The following NPC1L1 variants were observed in gnomAD, a reference collection of about 807,000 sequenced individuals.
NPC1L1 encodes the protein NPC1-like intracellular cholesterol transporter 1.
Under a neutral mutation model 117.0 loss-of-function variants are expected in NPC1L1, and 98 were observed. The ratio of observed to expected loss-of-function variants is 0.84; its 90% CI spans 0.71 to 0.99. The LOEUF is 0.99. NPC1L1 is among the 50% of genes least tolerant of loss of function. The pLI, the probability that NPC1L1 is intolerant of heterozygous loss-of-function variation, is 0.00. For missense variants in NPC1L1, 1,540 were observed against 1,710.0 expected, an observed-to-expected ratio of 0.90 and a Z score of 1.75; for synonymous variants, 729 against 727.6, an observed-to-expected ratio of 1.00 and a Z score of -0.03.
chr7:44,530,405 T>C (rs144250917), intron 10 of NPC1L1, among the ~76,000 whole-genome samples: 6 of 152,144 alleles, frequency 3.9e-5, no homozygotes, highest in Non-Finnish European at 5.9e-5. Flanking sequence ...GGGGAGTCAC[T>C]GTTTGTTGGG....
At chr7:44,514,573 C>G (rs569823683) in intron 18 of NPC1L1, among the ~76,000 whole-genome samples, 2 of 152,228 alleles carry the variant, frequency 1.3e-5, no homozygotes, top group South Asian at 2.1e-4. Context: ...GAGGCTGAGA[C>G]AGGAGAATCG....
rs757222790 is a variant in NPC1L1, at chr7:44,539,032, C to T, written c.1365G>A (p.Gln455=). The change falls in exon 2 of 19, where the codon CAG becomes CAA. Residue 455 remains glutamine (Q), a synonymous_variant. Transcript: ENST00000381160. This position sits in a 1 kb window ranked among gnomAD's most constrained non-coding sequence, Gnocchi z 4.4. ...TGCGCTGTGCTTCGGGCGACCATACCTGGAGGTGCCGCAGCCTCTCCTGCA... is the reference window on the plus strand; with the variant it reads ...TGCGCTGTGCTTCGGGCGACCATACTTGGAGGTGCCGCAGCCTCTCCTGCA... The part of the protein sequence containing the change: ...LELQERLRHL[Q]VWSPEAQRNI... 14 of 1,613,990 alleles carry T rather than the reference C, an allele frequency of 8.7e-6. 1 individual carries two copies. In the South Asian group the frequency reaches 1.5e-4, roughly 18 times the overall value.
intron 2 of NPC1L1, among the ~76,000 whole-genome samples, chr7:44,537,957 G>T (rs570263083): frequency 2.0e-5 from 3 of 152,196 alleles, no homozygotes; most frequent in African/African-American, 4.8e-5. Context: ...GGTAGCAGGG[G>T]ACAGAAAGTG....
chr7:44,531,701 A>T (rs1801704315), intron 10 of NPC1L1, 54 bp downstream of exon 10: 1 of 1,486,940 alleles, frequency 6.7e-7, no homozygotes, highest in East Asian at 2.5e-5. Context: ...GCTGGTTGCT[A>T]CTGCCCCTCC....
Position 44,522,135 on chromosome 7 carries a change from C to T in NPC1L1, c.2745G>A (p.Gly915=). ...CTGCACTGGAGCAGATGGCATTCAT[C>T]CCAGCCTCGCTGGAGAAGTTGTAGC... is the stretch of plus-strand genomic sequence containing the variant. ...TLGYNFSSEA[G]MNAICSSAGC... is the part of the protein sequence containing the mutation. The change falls in exon 11 of 19, where the codon GGG becomes GGA. Residue 915 remains glycine, a synonymous_variant. Coordinates refer to ENST00000381160, the MANE Select transcript of NPC1L1 (RefSeq NM_001101648.2). 1 of 1,613,996 alleles carries T rather than the reference C, an allele frequency of 6.2e-7. No individual in the cohort carries two copies. Among genetic ancestry groups the T allele is most frequent in the Non-Finnish European group, 8.5e-7 (1 of 1,179,978 alleles).
intron 7 of NPC1L1, 31 bp downstream of exon 7, chr7:44,533,708 T>C (rs774112786): frequency 6.2e-7 from 1 of 1,611,460 alleles, no homozygotes; most frequent in Non-Finnish European, 8.5e-7. Context: ...GCAAGCCTAA[T>C]GCCGAGTGGG....
Position 44,539,168 on chromosome 7 carries a change from A to G in NPC1L1, c.1229T>C (p.Val410Ala). Residue 410 changes from valine to alanine, a missense_variant, in exon 2 of 19, where the codon GTG becomes GCG. Around this residue, in one of 3 missense-constraint regions of NPC1L1, gnomAD observed 793 missense variants for 820.4 expected, o/e 0.97. Coordinates refer to ENST00000381160, the MANE Select transcript of NPC1L1 (RefSeq NM_001101648.2). This position sits in a 1 kb window ranked among gnomAD's most constrained non-coding sequence, Gnocchi z 4.4. Reference sequence around the variant, plus strand: ...GGACCGGTTAGGAGCCGTCAGGATCACCTGGTTGGTTCGGAAGAAGGGGCC... The same window carrying G: ...GGACCGGTTAGGAGCCGTCAGGATCGCCTGGTTGGTTCGGAAGAAGGGGCC... ...HFGPFFRTNQ[V>A]ILTAPNRSSY... 1 of 1,614,054 alleles carries G rather than the reference A, an allele frequency of 6.2e-7. No homozygotes were observed. The highest frequency in any genetic ancestry group is 8.5e-7 in the Non-Finnish European group (1 of 1,180,024).
At chr7:44,533,327 A>C (rs940968786) in intron 8 of NPC1L1, 104 bp downstream of exon 8, 1 of 1,402,048 alleles carries the variant, frequency 7.1e-7, no homozygotes, top group East Asian at 2.3e-5. Flanking sequence ...CCTGTCCCCC[A>C]CCCCATTCTC....
At position 44,532,079 on chromosome 7, in the gene NPC1L1, C is replaced by A; in HGVS notation, c.2547+1G>T. ...TCTCGTGTGGTTCGAGGCCCACTCA[C>A]CACAACACCTCGAGTGATCCAGTGC... On this transcript the variant is annotated splice_donor_variant, in intron 9 of 18. Coordinates refer to ENST00000381160, the MANE Select transcript of NPC1L1 (RefSeq NM_001101648.2). LOFTEE classifies it high-confidence loss of function. 6.2e-7 allele frequency: 1 copy of A among 1,614,204 alleles called. No individual in the cohort carries two copies. Among genetic ancestry groups the A allele is most frequent in the Non-Finnish European group, 8.5e-7 (1 of 1,180,028 alleles).
intron 10 of NPC1L1, among the ~76,000 whole-genome samples, chr7:44,523,407 G>C (rs952939936): frequency 6.6e-6 from 1 of 152,162 alleles, no homozygotes; most frequent in Non-Finnish European, 1.5e-5. Flanking sequence ...GAAGCTTCCA[G>C]GATAAGGCTT....
chr7:44,513,205 G>C lies in NPC1L1; in HGVS notation c.*242C>G. The C allele has an allele frequency of 1.8e-6, 1 of 554,582 alleles. No homozygotes were observed. The highest frequency in any genetic ancestry group is 3.3e-6 in the Non-Finnish European group (1 of 307,226). 34.4% of individuals were successfully genotyped at this position (554,582 alleles called of 1,614,324 possible). On this transcript the variant is annotated 3_prime_UTR_variant, in exon 19 of 19. Transcript: ENST00000381160. Reference sequence around the variant, plus strand: ...TGCCAACTTCCAGACCCAGGCCCAGGAGGAGGCACTGCCCAAGGCCTAGGT... The same window carrying C: ...TGCCAACTTCCAGACCCAGGCCCAGCAGGAGGCACTGCCCAAGGCCTAGGT...
rs566752917 is a variant in NPC1L1 at position 44,534,626 on chromosome 7, C to T, written c.1987G>A (p.Asp663Asn). ...SYSSWSRVMV[D>N]SKATLGLGGV... Reference sequence around the variant, plus strand: ...CCGAGGCCCAGCGTGGCCTTGGAGTCCACCTGCAATGCAAACAGGCTCAGC... The same window carrying T: ...CCGAGGCCCAGCGTGGCCTTGGAGTTCACCTGCAATGCAAACAGGCTCAGC... The change falls in exon 6 of 19, where the codon GAC becomes AAC. Residue 663 changes from aspartate to asparagine, a missense_variant. Coordinates refer to ENST00000381160, the MANE Select transcript of NPC1L1 (RefSeq NM_001101648.2). This position sits in a 1 kb window ranked among gnomAD's most constrained non-coding sequence, Gnocchi z 5.2. 1.2e-6 allele frequency: 2 copies of T among 1,613,908 alleles called. No homozygotes were observed. Among genetic ancestry groups the T allele is most frequent in the Admixed American group, 1.7e-5 (1 of 60,018 alleles).
Position 44,534,370 on chromosome 7 carries a change from A to G in NPC1L1, c.2166+77T>C. The G allele has an allele frequency of 6.9e-7, 1 of 1,446,988 alleles. No homozygotes were observed. The highest frequency in any genetic ancestry group is 9.7e-7 in the Non-Finnish European group (1 of 1,027,790). The allele number at this position is 1,446,988 out of a possible 1,614,324, so 89.6% of individuals were successfully genotyped here. On this transcript the variant is annotated intron_variant, in intron 6 of 18. Coordinates refer to ENST00000381160, the MANE Select transcript of NPC1L1 (RefSeq NM_001101648.2). The surrounding 1 kb of genome is among the most constrained non-coding windows in gnomAD (Gnocchi z 5.2). ...CAGGGAGACCCAGCAAATTCACGCC[A>G]GAGTCCCATCAGGCCAGGAGGTGAG...
chr7:44,522,476 T>TAGAGGTACACAGAGGTACATGCACA (rs1209836430), intron 10 of NPC1L1, among the ~76,000 whole-genome samples: 22 of 152,164 alleles, frequency 1.4e-4, no homozygotes, highest in Admixed American at 1.4e-3. Context: ...GATACATGCT[T>TAGAGGTACACAGAGGTACATGCACA]AGAGGTACAC....
chr7:44,522,141 C>G lies in NPC1L1; in HGVS notation c.2739G>C (p.Glu913Asp), dbSNP rs1801378895. 6.2e-7 allele frequency: 1 copy of G among 1,613,946 alleles called. No individual in the cohort carries two copies. Among genetic ancestry groups the G allele is most frequent in the African/African-American group, 1.3e-5 (1 of 74,886 alleles). Residue 913 changes from glutamate to aspartate, a missense_variant, in exon 11 of 19, where the codon GAG (glutamate) becomes GAC (aspartate). Glu to Asp is a conservative substitution (Grantham distance 45). Around this residue, in one of 3 missense-constraint regions of NPC1L1, gnomAD observed 742 missense variants for 873.6 expected, o/e 0.85. Transcript: ENST00000381160. ...TGGAGCAGATGGCATTCATCCCAGC[C>G]TCGCTGGAGAAGTTGTAGCCCAAGG... ...VTTLGYNFSS[E>D]AGMNAICSSA...
At chr7:44,521,588 G>A in intron 12 of NPC1L1, 124 bp downstream of exon 12, 2 of 1,477,038 alleles carry the variant, frequency 1.4e-6, no homozygotes, top group South Asian at 1.1e-5. Context: ...CTGCACCCAT[G>A]CCCCCGACAG....
intron 5 of NPC1L1, among the ~76,000 whole-genome samples, chr7:44,535,100 C>G (rs1032423240): frequency 6.6e-6 from 1 of 151,998 alleles, no homozygotes; most frequent in Non-Finnish European, 1.5e-5. Context: ...AATGGCCGGA[C>G]GTGGTAGCTC....
chr7:44,536,149 A>C lies in NPC1L1; in HGVS notation c.1854+107T>G. ...ATCACCCCGTTCTGAGCAGGCAGCC[A>C]CTGCCCAGGGTCACTTAGGAAGGGC... On this transcript the variant is annotated intron_variant, in intron 4 of 18. Coordinates refer to ENST00000381160, the MANE Select transcript of NPC1L1 (RefSeq NM_001101648.2). The surrounding 1 kb of genome is among the most constrained non-coding windows in gnomAD (Gnocchi z 4.7). The C allele has an allele frequency of 1.3e-6, 2 of 1,563,244 alleles. No homozygotes were observed. The highest frequency in any genetic ancestry group is 2.2e-5 in the East Asian group (1 of 44,636).
Position 44,532,113 on chromosome 7 carries a change from G to A in NPC1L1, c.2514C>T (p.Pro838=). 2 of 1,614,196 alleles carry A rather than the reference G, an allele frequency of 1.2e-6. No individual in the cohort carries two copies. The highest frequency in any genetic ancestry group is 1.3e-5 in the African/African-American group (1 of 75,056). The part of the protein sequence containing the change: ...LLGFFQKAYA[P]FLLHWITRGV... ...CTCGAGTGATCCAGTGCAGCAGGAA[G>A]GGGGCATAAGCCTTTTGGAAGAAGC... is the stretch of plus-strand genomic sequence containing the variant. The change falls in exon 9 of 19, where the codon CCC becomes CCT. Residue 838 remains proline, a synonymous_variant. Transcript: ENST00000381160.
Sources: allele counts gnomAD v4.1 joint callset (sites outside exome capture counted in the v4.1 genomes callset), GRCh38; gene constraint gnomAD v4.1.1; regional missense constraint gnomAD v4.1.1; non-coding constraint Gnocchi (gnomAD v3.1); transcripts MANE v1.5; gene names NCBI Gene and HGNC (gene_info 2026-07-23, HGNC 2026-07-21).